The following ADCY2 variants were observed in gnomAD, a reference collection of about 807,000 sequenced individuals.
ADCY2 encodes the protein adenylate cyclase 2.
A neutral mutation model predicts 125.2 loss-of-function variants in ADCY2; 31 were observed. That is an observed-to-expected ratio of 0.25 (90% CI 0.19 to 0.33). The LOEUF (loss-of-function observed/expected upper bound fraction) is 0.33, where lower values mean the gene tolerates loss of function less well. Among genes scored for constraint, ADCY2 ranks in the 10% least tolerant of loss-of-function variants. The pLI, the probability that ADCY2 is intolerant of heterozygous loss-of-function variation, is 1.00. For missense variants in ADCY2, 904 were observed against 1,418.2 expected (o/e 0.64, Z 5.82); for synonymous variants, 512 against 548.4 (o/e 0.93, Z 0.93).
intron 4 of ADCY2, among the ~76,000 whole-genome samples, chr5:7,630,678 C>A (rs185252598): frequency 9.9e-5 from 15 of 152,166 alleles, no homozygotes; most frequent in Admixed American, 3.3e-4. Context: ...CCTTTTCAAG[C>A]TTCCGAAGGC....
rs561571855 is a variant in ADCY2, at chr5:7,440,800, CA to C, written c.408+26031del. On this transcript the variant is annotated intron_variant, in intron 2 of 24. Coordinates refer to ENST00000338316, the MANE Select transcript of ADCY2 (RefSeq NM_020546.3). Reference sequence around the variant, plus strand: ...AAATCAATAAATGCTGACATATAACCATGTCGGATAAGCCAGAAAAAGAGCA... The same window carrying C: ...AAATCAATAAATGCTGACATATAACCTGTCGGATAAGCCAGAAAAAGAGCA... Among the ~76,000 whole-genome samples, 480 of 152,164 alleles carry C rather than the reference CA, an allele frequency of 3.2e-3. 1 individual carries two copies. Among genetic ancestry groups the C allele is most frequent in the African/African-American group, 0.011 (456 of 41,514 alleles).
chr5:7,801,760 G>A (rs571241227), intron 20 of ADCY2: 1 of 156,680 alleles, frequency 6.4e-6, no homozygotes, highest in African/African-American at 2.4e-5. Flanking sequence ...GGTGTAATAA[G>A]AAGTAACTTG....
intron 15 of ADCY2, among the ~76,000 whole-genome samples, chr5:7,745,284 C>T (rs1486115460): frequency 2.0e-5 from 3 of 152,174 alleles, no homozygotes; most frequent in Admixed American, 6.5e-5. Flanking sequence ...TCTGCCTTTC[C>T]GCAGTCGACT....
chr5:7,635,614 A>C (rs1293185895), intron 4 of ADCY2, among the ~76,000 whole-genome samples: 3 of 152,146 alleles, frequency 2.0e-5, no homozygotes, highest in Non-Finnish European at 4.4e-5. Flanking sequence ...TGTAAATAAG[A>C]TCTGGAGTTA....
chr5:7,448,757 T>C (rs1205515104), intron 2 of ADCY2, among the ~76,000 whole-genome samples: 1 of 152,188 alleles, frequency 6.6e-6, no homozygotes. Context: ...CCGAGTTTGC[T>C]GAGAATAAAG....
chr5:7,695,529 G>T (rs1438505764), intron 5 of ADCY2, among the ~76,000 whole-genome samples: 1 of 151,964 alleles, frequency 6.6e-6, no homozygotes, highest in East Asian at 1.9e-4. Flanking sequence ...AAATTATTTT[G>T]CTGCTTCACT....
At chr5:7,524,039 C>G (rs1734357604) in intron 3 of ADCY2, among the ~76,000 whole-genome samples, 1 of 151,776 alleles carries the variant, frequency 6.6e-6, no homozygotes, top group Non-Finnish European at 1.5e-5. Context: ...ATTCTCCTTC[C>G]CTGCTGCATA....
At chr5:7,430,115 T>C (rs565414672) in intron 2 of ADCY2, among the ~76,000 whole-genome samples, 2 of 152,076 alleles carry the variant, frequency 1.3e-5, no homozygotes, top group African/African-American at 2.4e-5. Flanking sequence ...ATAGATAAAA[T>C]GGGCAAATTT....
At chr5:7,533,681 T>C (rs982017003) in intron 3 of ADCY2, among the ~76,000 whole-genome samples, 29 of 152,322 alleles carry the variant, frequency 1.9e-4, no homozygotes, top group African/African-American at 6.5e-4. Flanking sequence ...CTAATTTGGT[T>C]GGGATTTACT....
intron 4 of ADCY2, among the ~76,000 whole-genome samples, chr5:7,666,741 G>A (rs1245016727): frequency 4.6e-5 from 7 of 152,294 alleles, no homozygotes; most frequent in South Asian, 4.1e-4. Flanking sequence ...CGGTGCCTAC[G>A]GCTCTGTGCT....
chr5:7,512,183 C>A (rs1744086122), intron 2 of ADCY2, among the ~76,000 whole-genome samples: 1 of 124,902 alleles, frequency 8.0e-6, no homozygotes. Flanking sequence ...ATCACACCAT[C>A]ACACTCCAGC....
At chr5:7,416,748 A>G (rs1739963080) in intron 2 of ADCY2, among the ~76,000 whole-genome samples, 1 of 152,160 alleles carries the variant, frequency 6.6e-6, no homozygotes, top group African/African-American at 2.4e-5. Context: ...CTCCCCCAGC[A>G]GCCTAGACAT....
At chr5:7,450,007 G>A (rs1371089504) in intron 2 of ADCY2, among the ~76,000 whole-genome samples, 3 of 152,168 alleles carry the variant, frequency 2.0e-5, no homozygotes, top group East Asian at 3.8e-4. Context: ...CTGACCAGCT[G>A]TTCTCCATCT....
At chr5:7,810,583 T>A (rs1230019769) in intron 22 of ADCY2, among the ~76,000 whole-genome samples, 1 of 151,958 alleles carries the variant, frequency 6.6e-6, no homozygotes, top group East Asian at 1.9e-4. Flanking sequence ...GTGAGTTACC[T>A]ACCTGGTTGT....
intron 2 of ADCY2, among the ~76,000 whole-genome samples, chr5:7,498,095 G>A (rs898391556): frequency 6.6e-5 from 10 of 151,984 alleles, no homozygotes; most frequent in African/African-American, 1.7e-4. Flanking sequence ...CTGTAGATCC[G>A]AGAGTAAAAT....
chr5:7,603,784 C>CTTTTTTTTTTTTTTTTTTTTTTTTTT lies in ADCY2; in HGVS notation c.571-22358_571-22357insTTTTTTTTTTTTTTTTTTTTTTTTTT. 8.6e-3 allele frequency among the ~76,000 whole-genome samples: 541 copies of CTTTTTTTTTTTTTTTTTTTTTTTTTT among 62,834 alleles called. 5 individuals carry two copies. Among genetic ancestry groups the CTTTTTTTTTTTTTTTTTTTTTTTTTT allele is most frequent in the Admixed American group, 0.012 (49 of 4,110 alleles). 41.2% of individuals were successfully genotyped at this position (62,834 alleles called of 152,430 possible). On this transcript the variant is annotated intron_variant, in intron 3 of 24. Transcript: ENST00000338316. ...AAAATTCTGGGGTAATGCTCTCTTT[C>CTTTTTTTTTTTTTTTTTTTTTTTTTT]TTTTTTTTTTTTTTTTTTTTTTTTT... is the stretch of plus-strand genomic sequence containing the variant.
rs368586931 is a variant in ADCY2 at position 7,709,161 on chromosome 5, TG to T, written c.1402-49del. ...AATGAGGTCGATGCCAAAAGGATCA[TG>T]TGTGGCCCTGTGCTGTGCCAGGTGT... On this transcript the variant is annotated intron_variant, in intron 9 of 24. Coordinates refer to ENST00000338316, the MANE Select transcript of ADCY2 (RefSeq NM_020546.3). This position sits in a 1 kb window ranked among gnomAD's most constrained non-coding sequence, Gnocchi z 4.4. 75 of 1,497,954 alleles carry T rather than the reference TG, an allele frequency of 5.0e-5. No individual in the cohort carries two copies. In the African/African-American group the frequency reaches 9.7e-4, roughly 19 times the overall value. The allele number at this position is 1,497,954 out of a possible 1,614,324, so 92.8% of individuals were successfully genotyped here.
At chr5:7,658,239 T>C (rs1422285466) in intron 4 of ADCY2, 1 of 152,280 alleles carries the variant, frequency 6.6e-6, no homozygotes, top group Non-Finnish European at 1.5e-5. Context: ...GAAGTTTCTG[T>C]TTCCATATAG....
At chr5:7,560,963 C>T (rs973518979) in intron 3 of ADCY2, among the ~76,000 whole-genome samples, 3 of 152,212 alleles carry the variant, frequency 2.0e-5, no homozygotes, top group African/African-American at 7.2e-5. Flanking sequence ...ACTGGAATTA[C>T]AGGTGTGAGC....
Sources: allele counts gnomAD v4.1 joint callset (sites outside exome capture counted in the v4.1 genomes callset), GRCh38; gene constraint gnomAD v4.1.1; non-coding constraint Gnocchi (gnomAD v3.1); transcripts MANE v1.5; gene names NCBI Gene and HGNC (gene_info 2026-07-23, HGNC 2026-07-21).